Variants in EVC2 observed in about 807,000 individuals in gnomAD.
The protein encoded by EVC2 is EvC ciliary complex subunit 2.
Under a neutral mutation model 149.3 loss-of-function variants are expected in EVC2, and 148 were observed. The ratio of observed to expected loss-of-function variants is 0.99; its 90% CI spans 0.87 to 1.14. EVC2 has a LOEUF of 1.14. Ranked by LOEUF, EVC2 falls within the 50% of genes most tolerant of loss-of-function variation. The probability of loss-of-function intolerance (pLI) is 0.00; values close to 1 mark genes in which losing one functional copy is unlikely to be tolerated. For missense variants in EVC2, 1,854 were observed against 1,627.3 expected (o/e 1.14, Z -2.40); for synonymous variants, 776 against 649.9 (o/e 1.19, Z -2.95).
intron 16 of EVC2, among the ~76,000 whole-genome samples, chr4:5,586,377 G>T (rs768574127): frequency 4.0e-5 from 6 of 151,832 alleles, no homozygotes; most frequent in Non-Finnish European, 8.8e-5. Flanking sequence ...ACTTCACATG[G>T]AGTACAAGAA....
intron 9 of EVC2, among the ~76,000 whole-genome samples, chr4:5,652,193 A>T (rs1354617063): frequency 6.6e-6 from 1 of 152,120 alleles, no homozygotes; most frequent in Non-Finnish European, 1.5e-5. Context: ...AATGGCTGGG[A>T]CTCAGGTGCT....
rs1338555199 is a variant in EVC2 at position 5,576,484 on chromosome 4, C to A, written c.3058-30G>T. The A allele has an allele frequency of 6.4e-7, 1 of 1,558,774 alleles. No individual in the cohort carries two copies. The highest frequency in any genetic ancestry group is 8.7e-7 in the Non-Finnish European group (1 of 1,155,004). On this transcript the variant is annotated intron_variant, in intron 17 of 21. Coordinates refer to ENST00000344408, the MANE Select transcript of EVC2 (RefSeq NM_147127.5). This position sits in a 1 kb window ranked among gnomAD's most constrained non-coding sequence, Gnocchi z 4.5. Reference sequence around the variant, plus strand: ...ACAAGGAAGGGGCAGAGGGTAAGCACCACTGCACAAGGCGGGTGGGGTGGA... The same window carrying A: ...ACAAGGAAGGGGCAGAGGGTAAGCAACACTGCACAAGGCGGGTGGGGTGGA...
At chr4:5,707,325 G>A (rs1474181326) in intron 1 of EVC2, among the ~76,000 whole-genome samples, 2 of 152,220 alleles carry the variant, frequency 1.3e-5, no homozygotes, top group South Asian at 2.1e-4. Context: ...CTAAACCTCT[G>A]CCAGTGTCGC....
chr4:5,589,427 C>T (rs6815463), intron 16 of EVC2, among the ~76,000 whole-genome samples: 2,604 of 152,278 alleles, frequency 0.017, 65 homozygotes, highest in African/African-American at 0.058. Flanking sequence ...GCGCAGGTCT[C>T]AGCAGAATAC....
rs1389621052 is a variant in EVC2, at chr4:5,591,781, AAC to A, written c.2830-6933_2830-6932del. 8.5e-5 allele frequency among the ~76,000 whole-genome samples: 13 copies of A among 152,232 alleles called. No homozygotes were observed. In the East Asian group the frequency reaches 2.5e-3, roughly 29 times the overall value. On this transcript the variant is annotated intron_variant, in intron 16 of 21. Coordinates refer to ENST00000344408, the MANE Select transcript of EVC2 (RefSeq NM_147127.5). ...TTGTCTAGAAGAAATCCTGGGAAAC[AAC>A]ACAGATTTGCATTTCTATGAGGTAT...
At chr4:5,564,221 A>C (rs1722128256) in intron 21 of EVC2, among the ~76,000 whole-genome samples, 1 of 152,250 alleles carries the variant, frequency 6.6e-6, no homozygotes. Flanking sequence ...TGTCTCCACC[A>C]TGGTGCCTCT....
intron 19 of EVC2, among the ~76,000 whole-genome samples, chr4:5,568,962 A>G (rs1274281900): frequency 6.6e-6 from 1 of 152,090 alleles, no homozygotes; most frequent in Non-Finnish European, 1.5e-5. Context: ...TCCTCCTCAC[A>G]TTCTGTGAGG....
At chr4:5,531,127 A>C in the EVC2 span, among the ~76,000 whole-genome samples, 1 of 152,174 alleles carries the variant, frequency 6.6e-6, no homozygotes, top group African/African-American at 2.4e-5. Context: ...GCCCAAGGCC[A>C]GGAGCCATTG....
the EVC2 span, among the ~76,000 whole-genome samples, chr4:5,529,350 A>T: frequency 5.3e-5 from 8 of 152,220 alleles, no homozygotes; most frequent in Admixed American, 3.9e-4. This position sits in a 1 kb window ranked among gnomAD's most constrained non-coding sequence, Gnocchi z 4.5. Flanking sequence ...GGAGATGAAG[A>T]AATAGGTGCT....
At chr4:5,627,448 G>A (rs1716194182) in intron 12 of EVC2, among the ~76,000 whole-genome samples, 1 of 152,134 alleles carries the variant, frequency 6.6e-6, no homozygotes, top group Admixed American at 6.5e-5. Flanking sequence ...TTTAGGTGGG[G>A]AGTGTTTGCA....
intron 19 of EVC2, 138 bp from the exon 20 acceptor site, chr4:5,568,778 C>A: frequency 8.8e-7 from 1 of 1,137,244 alleles, no homozygotes; most frequent in Non-Finnish European, 1.3e-6. Context: ...AACATGTTCC[C>A]GAACTTTCAG....
At chr4:5,603,348 G>A (rs1367977276) in intron 16 of EVC2, among the ~76,000 whole-genome samples, 1 of 152,162 alleles carries the variant, frequency 6.6e-6, no homozygotes, top group Non-Finnish European at 1.5e-5. Context: ...GAGATGTGAG[G>A]ATAACTGTCT....
At chr4:5,534,106 A>C in the EVC2 span, among the ~76,000 whole-genome samples, 1 of 151,118 alleles carries the variant, frequency 6.6e-6, no homozygotes, top group Non-Finnish European at 1.5e-5. Flanking sequence ...TACATTTTTA[A>C]AAAAGATCAG....
At chr4:5,695,249 G>A (rs888802306) in intron 2 of EVC2, among the ~76,000 whole-genome samples, 2 of 152,050 alleles carry the variant, frequency 1.3e-5, no homozygotes, top group East Asian at 3.9e-4. Context: ...TCGGGAGGGT[G>A]AGGCAGGGGA....
At chr4:5,530,062 C>T in the EVC2 span, among the ~76,000 whole-genome samples, 1 of 152,200 alleles carries the variant, frequency 6.6e-6, no homozygotes, top group Non-Finnish European at 1.5e-5. Flanking sequence ...GTGATCTGCC[C>T]TTGGCCTCCC....
At chr4:5,687,220 G>C (rs968773435) in intron 5 of EVC2, among the ~76,000 whole-genome samples, 2 of 152,058 alleles carry the variant, frequency 1.3e-5, no homozygotes, top group Non-Finnish European at 2.9e-5. Context: ...TTGTGCCACT[G>C]CACTCTAGGC....
In EVC2 at chr4:5,622,887, G is replaced by A. The variant is rs144584049; in HGVS notation, c.2151C>T (p.His717=). ...LHQKRSLMEE[H]GATLEELQER... ...CCTGCAGCTCCTCCAGGGTGGCACC[G>A]TGCTCCTCCATCAGGCTCCTCTTCT... Residue 717 remains histidine (H), a synonymous_variant, in exon 14 of 22, where the codon CAC becomes CAT. Coordinates refer to ENST00000344408, the MANE Select transcript of EVC2 (RefSeq NM_147127.5). This position sits in a 1 kb window ranked among gnomAD's most constrained non-coding sequence, Gnocchi z 5.8. The A allele has an allele frequency of 2.4e-3, 3,907 of 1,614,170 alleles. 20 individuals carry two copies. The Middle Eastern group carries it at 0.026, about 11-fold the overall frequency.
intron 21 of EVC2, among the ~76,000 whole-genome samples, chr4:5,557,370 C>A (rs568345982): frequency 6.6e-6 from 1 of 152,014 alleles, no homozygotes; most frequent in Non-Finnish European, 1.5e-5. Context: ...TATACACATA[C>A]GATAAAATCT....
upstream of EVC2, chr4:5,708,645 C>T (rs889225567): frequency 1.1e-5 from 7 of 615,088 alleles, no homozygotes; most frequent in South Asian, 3.1e-5. Flanking sequence ...AACAAACACC[C>T]GCATCTGGGG....
Sources: gnomAD v4.1 joint callset for allele counts (sites outside exome capture counted in the v4.1 genomes callset) on GRCh38, gnomAD v4.1.1 for gene constraint, Gnocchi (gnomAD v3.1) non-coding constraint, MANE v1.5 for transcripts, NCBI Gene and HGNC (gene_info 2026-07-23, HGNC 2026-07-21) for gene names.